Variants in ROR1 observed in about 807,000 individuals in gnomAD.
ROR1 encodes the protein inactive tyrosine-protein kinase transmembrane receptor ROR1.
Under a neutral mutation model 78.8 loss-of-function variants are expected in ROR1, and 19 were observed. The ratio of observed to expected loss-of-function variants is 0.24; its 90% CI spans 0.17 to 0.35. The LOEUF (loss-of-function observed/expected upper bound fraction) is 0.35. Among genes scored for constraint, ROR1 ranks in the 10% least tolerant of loss-of-function variants. The pLI, the probability that ROR1 is intolerant of heterozygous loss-of-function variation, is 1.00. For synonymous variants in ROR1, 386 were observed against 433.6 expected, an observed-to-expected ratio of 0.89 and a Z score of 1.36; for missense variants, 917 against 1,177.8, an observed-to-expected ratio of 0.78 and a Z score of 3.24.
rs148489059 is a variant in ROR1 at position 63,778,788 on chromosome 1, G to A, written c.91+4280G>A. ...TGATGGGTAAACTTAGGCACAGAGA[G>A]GTTAAGTTACTTTCTTTAGGTTACA... On this transcript the variant is annotated intron_variant, in intron 1 of 8. Transcript: ENST00000371079. Among the ~76,000 whole-genome samples the A allele has an allele frequency of 5.4e-4, 83 of 152,314 alleles. No individual in the cohort carries two copies. The East Asian group carries it at 0.014, about 26-fold the overall frequency.
chr1:64,034,576 T>C (rs1224629635), intron 2 of ROR1, among the ~76,000 whole-genome samples: 1 of 152,164 alleles, frequency 6.6e-6, no homozygotes, highest in Non-Finnish European at 1.5e-5. Flanking sequence ...CTGCATTCTC[T>C]TTCCTTCCTA....
chr1:64,151,328 C>A (rs565357551), intron 7 of ROR1, among the ~76,000 whole-genome samples: 33 of 152,260 alleles, frequency 2.2e-4, no homozygotes, highest in African/African-American at 7.7e-4. Flanking sequence ...AAGGAGGAAG[C>A]CAGAGGAACA....
At chr1:63,841,823 C>T (rs1267545082) in intron 1 of ROR1, among the ~76,000 whole-genome samples, 1 of 152,110 alleles carries the variant, frequency 6.6e-6, no homozygotes, top group Admixed American at 6.6e-5. Context: ...GGATTTTATC[C>T]AATATCATGG....
At chr1:63,952,440 C>T (rs1645947935) in intron 1 of ROR1, among the ~76,000 whole-genome samples, 1 of 152,138 alleles carries the variant, frequency 6.6e-6, no homozygotes, top group South Asian at 2.1e-4. Flanking sequence ...CATGGGACAT[C>T]AGAGGCCTCA....
rs68153450 is a variant in ROR1, at chr1:63,860,562, TACACACACACACACACACAC to T, written c.91+86078_91+86097del. Among the ~76,000 whole-genome samples the T allele has an allele frequency of 3.9e-5, 5 of 126,604 alleles. No individual in the cohort carries two copies. In the East Asian group the frequency reaches 1.2e-3, roughly 30 times the overall value. 83.1% of individuals were successfully genotyped at this position (126,604 alleles called of 152,430 possible). ...GGTAAAACCCCATCTCTACTAAAAA[TACACACACACACACACACAC>T]ACACACACACACACACACACACATA... On this transcript the variant is annotated intron_variant, in intron 1 of 8. Coordinates refer to ENST00000371079, the MANE Select transcript of ROR1 (RefSeq NM_005012.4).
At chr1:64,132,199 G>A (rs369445810) in intron 4 of ROR1, among the ~76,000 whole-genome samples, 7 of 152,136 alleles carry the variant, frequency 4.6e-5, no homozygotes, top group African/African-American at 1.7e-4. Flanking sequence ...ATGTTTTTGA[G>A]GCTCTCCCAC....
intron 1 of ROR1, among the ~76,000 whole-genome samples, chr1:63,985,741 T>A (rs1447284848): frequency 6.6e-6 from 1 of 150,940 alleles, no homozygotes; most frequent in African/African-American, 2.4e-5. Flanking sequence ...TATTATTATT[T>A]TATATATATA....
chr1:63,778,429 G>T (rs1041699865), intron 1 of ROR1, among the ~76,000 whole-genome samples: 1 of 152,170 alleles, frequency 6.6e-6, no homozygotes, highest in Non-Finnish European at 1.5e-5. Context: ...AGGCTGAAAG[G>T]AGTTGAGTGT....
At chr1:64,106,371 G>T (rs911619054) in intron 4 of ROR1, 1 of 152,112 alleles carries the variant, frequency 6.6e-6, no homozygotes, top group African/African-American at 2.4e-5. Context: ...TGAGATGATG[G>T]GGTTTTCTAA....
chr1:63,956,035 G>A (rs1645979685), intron 1 of ROR1, among the ~76,000 whole-genome samples: 1 of 152,202 alleles, frequency 6.6e-6, no homozygotes, highest in Non-Finnish European at 1.5e-5. Flanking sequence ...AGCCCATGGG[G>A]ATGAGGCCCA....
chr1:64,056,100 CT>C (rs1263589166), intron 4 of ROR1, among the ~76,000 whole-genome samples: 2 of 152,102 alleles, frequency 1.3e-5, no homozygotes, highest in African/African-American at 4.8e-5. Context: ...ATTTGGGTTG[CT>C]TCTACTTTTT....
intron 1 of ROR1, among the ~76,000 whole-genome samples, chr1:63,880,006 G>T (rs1645312742): frequency 1.3e-5 from 2 of 152,096 alleles, no homozygotes; most frequent in Admixed American, 1.3e-4. Context: ...TTAATGGAGG[G>T]TTTTGGTGGT....
chr1:64,118,328 T>C (rs1050922382), intron 4 of ROR1, among the ~76,000 whole-genome samples: 5 of 152,068 alleles, frequency 3.3e-5, no homozygotes, highest in African/African-American at 1.2e-4. Context: ...AGCAAAATGG[T>C]TAAGAATTAG....
At chr1:64,001,578 G>A (rs1490757505) in intron 1 of ROR1, among the ~76,000 whole-genome samples, 1 of 151,346 alleles carries the variant, frequency 6.6e-6, no homozygotes, top group Non-Finnish European at 1.5e-5. Context: ...AATCTCTCTG[G>A]TCTTTACACA....
At chr1:63,892,497 G>A (rs1220377369) in intron 1 of ROR1, among the ~76,000 whole-genome samples, 1 of 152,170 alleles carries the variant, frequency 6.6e-6, no homozygotes, top group African/African-American at 2.4e-5. Context: ...CATGTAGTGA[G>A]CTGTAACTAT....
intron 1 of ROR1, among the ~76,000 whole-genome samples, chr1:64,008,579 A>T (rs115533847): frequency 0.013 from 1,992 of 152,214 alleles, 42 homozygotes; most frequent in African/African-American, 0.046. Context: ...CATTCCCCCA[A>T]CAGTGTATTA....
intron 1 of ROR1, among the ~76,000 whole-genome samples, chr1:63,855,807 C>A (rs1645144649): frequency 8.2e-6 from 1 of 121,224 alleles, no homozygotes; most frequent in Non-Finnish European, 1.6e-5. Flanking sequence ...TGCCACCACG[C>A]CCCACTAATT....
intron 7 of ROR1, among the ~76,000 whole-genome samples, chr1:64,145,749 C>A (rs1649455832): frequency 6.6e-6 from 1 of 152,168 alleles, no homozygotes; most frequent in South Asian, 2.1e-4. Flanking sequence ...GTATGAGAGT[C>A]TGCAAGAGAG....
chr1:64,062,612 A>G (rs1394311111), intron 4 of ROR1, among the ~76,000 whole-genome samples: 2 of 152,102 alleles, frequency 1.3e-5, no homozygotes, highest in Non-Finnish European at 2.9e-5. Flanking sequence ...TGCCCGGCCC[A>G]TGTGGGTGTT....
Sources: allele counts gnomAD v4.1 joint callset (sites outside exome capture counted in the v4.1 genomes callset), GRCh38; gene constraint gnomAD v4.1.1; transcripts MANE v1.5; gene names NCBI Gene and HGNC (gene_info 2026-07-23, HGNC 2026-07-21).